Variants in ASH1L observed in about 807,000 individuals in gnomAD.
ASH1L encodes ASH1 like histone lysine methyltransferase.
ASH1L carries 23 observed loss-of-function variants against 269.0 expected under a neutral mutation model. The ratio of observed to expected loss-of-function variants is 0.09; its 90% CI spans 0.06 to 0.12. The LOEUF (loss-of-function observed/expected upper bound fraction) is 0.12. Among genes scored for constraint, ASH1L ranks in the 10% least tolerant of loss-of-function variants. The pLI is 1.00. For missense variants in ASH1L, 2,912 were observed against 3,567.8 expected (o/e 0.82, Z 4.68); for synonymous variants, 1,187 against 1,253.5 (o/e 0.95, Z 1.12).
At chr1:155,497,172 T>C (rs1415121665) in intron 2 of ASH1L, among the ~76,000 whole-genome samples, 2 of 152,258 alleles carry the variant, frequency 1.3e-5, no homozygotes, top group Admixed American at 6.5e-5. Flanking sequence ...ATTCTTAAAC[T>C]TGCAGACACC....
intron 1 of ASH1L, among the ~76,000 whole-genome samples, chr1:155,551,743 G>A (rs1266260725): frequency 6.6e-6 from 1 of 151,050 alleles, no homozygotes; most frequent in Non-Finnish European, 1.5e-5. Context: ...GCTAAGACAG[G>A]TGGATCACAA....
At position 155,480,965 on chromosome 1, in the gene ASH1L, A is replaced by G. The variant is rs1451571682; in HGVS notation, c.1905T>C (p.Asp635=). The G allele has an allele frequency of 6.2e-7, 1 of 1,614,064 alleles. No homozygotes were observed. The highest frequency in any genetic ancestry group is 1.1e-5 in the South Asian group (1 of 91,064). ...GAATATCTATATGGGTAGTTTTTGAATCATTTACCTCTTTATCAATCCCTT... is the reference window on the plus strand; with the variant it reads ...GAATATCTATATGGGTAGTTTTTGAGTCATTTACCTCTTTATCAATCCCTT... ...ECKGIDKEVN[D]SKTTHIDIPR... is the part of the protein sequence containing the mutation. Residue 635 remains aspartate (D), a synonymous_variant, in exon 3 of 28, where the codon GAT becomes GAC. Coordinates refer to ENST00000392403, the MANE Select transcript of ASH1L (RefSeq NM_018489.3).
At chr1:155,497,285 T>G (rs369543569) in intron 2 of ASH1L, among the ~76,000 whole-genome samples, 1 of 152,218 alleles carries the variant, frequency 6.6e-6, no homozygotes, top group African/African-American at 2.4e-5. Context: ...TCACAGTTCA[T>G]CAATGGATGA....
At chr1:155,557,296 T>C (rs1671662800) in intron 1 of ASH1L, among the ~76,000 whole-genome samples, 1 of 152,016 alleles carries the variant, frequency 6.6e-6, no homozygotes, top group South Asian at 2.1e-4. Flanking sequence ...AGAGTCTCGC[T>C]CTGTCACCCA....
chr1:155,395,908 T>G (rs1658303746), intron 6 of ASH1L: 1 of 167,718 alleles, frequency 6.0e-6, no homozygotes, highest in African/African-American at 2.4e-5. Flanking sequence ...AACACAAATT[T>G]TAGATCGGAT....
chr1:155,374,435 T>G lies in ASH1L; in HGVS notation c.6333-3452A>C, dbSNP rs141315604. Among the ~76,000 whole-genome samples, 266 of 152,306 alleles carry G rather than the reference T, an allele frequency of 1.7e-3. 1 individual carries two copies. The highest frequency in any genetic ancestry group is 6.1e-3 in the African/African-American group (254 of 41,564). On this transcript the variant is annotated intron_variant, in intron 10 of 27. Transcript: ENST00000392403. ...ACTCTAAACAAAAATACCACCACGA[T>G]TCTAAAGGGCACACGGCACACAGTG...
In ASH1L at chr1:155,441,143, A is replaced by T. The variant is rs559488617; in HGVS notation, c.5087-2075T>A. On this transcript the variant is annotated intron_variant, in intron 4 of 27. Coordinates refer to ENST00000392403, the MANE Select transcript of ASH1L (RefSeq NM_018489.3). ...TGTAATTCCTTGTGGGGCTATTAAAATACGTACATTAATCTCTTGAAGTTT... is the reference window on the plus strand; with the variant it reads ...TGTAATTCCTTGTGGGGCTATTAAATTACGTACATTAATCTCTTGAAGTTT... Among the ~76,000 whole-genome samples the T allele has an allele frequency of 8.5e-5, 13 of 152,340 alleles. No homozygotes were observed. The South Asian group carries it at 2.7e-3, about 32-fold the overall frequency.
At chr1:155,409,142 A>G (rs1393537119) in intron 6 of ASH1L, among the ~76,000 whole-genome samples, 1 of 152,056 alleles carries the variant, frequency 6.6e-6, no homozygotes, top group East Asian at 1.9e-4. Flanking sequence ...CTCCTGCCTC[A>G]GCCTCCCAAA....
chr1:155,498,650 A>T (rs1337273536), intron 2 of ASH1L, among the ~76,000 whole-genome samples: 2 of 152,086 alleles, frequency 1.3e-5, no homozygotes, highest in Non-Finnish European at 2.9e-5. Flanking sequence ...CATGTTGGTC[A>T]GGCTGGTCTT....
At chr1:155,542,027 C>G (rs1019137250) in intron 1 of ASH1L, among the ~76,000 whole-genome samples, 9 of 152,088 alleles carry the variant, frequency 5.9e-5, no homozygotes, top group Non-Finnish European at 1.5e-5. Flanking sequence ...GACTGCCATA[C>G]AGATTATCCA....
At chr1:155,355,670 A>G (rs1200960809) in intron 15 of ASH1L, among the ~76,000 whole-genome samples, 1 of 152,224 alleles carries the variant, frequency 6.6e-6, no homozygotes, top group Admixed American at 6.5e-5. Context: ...ATAGGCAGCC[A>G]AAGTAGAGAA....
At chr1:155,520,965 A>G (rs1197490233) in intron 2 of ASH1L, 135 bp downstream of exon 2, 3 of 898,122 alleles carry the variant, frequency 3.3e-6, no homozygotes, top group Non-Finnish European at 5.1e-6. Context: ...GGCTTATTTT[A>G]AGGCTCACAA....
At chr1:155,514,399 A>G (rs1462159264) in intron 2 of ASH1L, among the ~76,000 whole-genome samples, 1 of 152,234 alleles carries the variant, frequency 6.6e-6, no homozygotes, top group Non-Finnish European at 1.5e-5. Context: ...AACAGGTAAT[A>G]CTGGTGTAAA....
At chr1:155,474,237 C>CA (rs750980959) in intron 3 of ASH1L, among the ~76,000 whole-genome samples, 12 of 152,134 alleles carry the variant, frequency 7.9e-5, no homozygotes, top group Non-Finnish European at 1.8e-4. Flanking sequence ...ACTTTTATTT[C>CA]ACCCAGAAGC....
chr1:155,335,448 C>T lies in ASH1L; in HGVS notation c.*2212G>A, dbSNP rs1652229325. The stretch of plus-strand genomic sequence containing the variant: ...ATATATTAGCAGCATTTATATTTTC[C>T]GCAATCACACAGCCTACAGACATGC... On this transcript the variant is annotated 3_prime_UTR_variant, in exon 28 of 28. Transcript: ENST00000392403. The T allele has an allele frequency of 6.6e-6, 1 of 152,632 alleles. No homozygotes were observed. The highest frequency in any genetic ancestry group is 1.9e-4 in the East Asian group (1 of 5,334). The allele number at this position is 152,632 out of a possible 1,614,324, so 9.5% of individuals were successfully genotyped here.
At chr1:155,434,221 G>GTCTCC in intron 5 of ASH1L, 1 of 1,599,500 alleles carries the variant, frequency 6.3e-7, no homozygotes, top group South Asian at 1.1e-5. Flanking sequence ...CCTTTCCCCC[G>GTCTCC]TCTCCGTCAC....
At chr1:155,514,085 T>C (rs1055394422) in intron 2 of ASH1L, among the ~76,000 whole-genome samples, 2 of 152,186 alleles carry the variant, frequency 1.3e-5, no homozygotes, top group African/African-American at 2.4e-5. Context: ...TATGTGGTAA[T>C]TACAGTAGTC....
intron 12 of ASH1L, among the ~76,000 whole-genome samples, chr1:155,360,845 G>T (rs1288880183): frequency 6.6e-6 from 1 of 152,126 alleles, no homozygotes; most frequent in African/African-American, 2.4e-5. Context: ...TTGTCAATTA[G>T]GCTTCAACTT....
intron 3 of ASH1L, 71 bp from the exon 4 acceptor site, chr1:155,459,969 T>C (rs1278942763): frequency 8.2e-7 from 1 of 1,214,340 alleles, no homozygotes; most frequent in African/African-American, 1.5e-5. Context: ...CCATCTTTTG[T>C]TAGAACTTGT....
Sources: allele counts gnomAD v4.1 joint callset (sites outside exome capture counted in the v4.1 genomes callset), GRCh38; gene constraint gnomAD v4.1.1; transcripts MANE v1.5; gene names NCBI Gene and HGNC (gene_info 2026-07-23, HGNC 2026-07-21).